The following PXDN variants were observed in gnomAD, a reference collection of about 807,000 sequenced individuals.
PXDN encodes peroxidasin.
In PXDN, 77 loss-of-function variants were observed where a neutral mutation model predicts 140.3. The ratio of observed to expected loss-of-function variants is 0.55; its 90% CI spans 0.46 to 0.66. The LOEUF (loss-of-function observed/expected upper bound fraction) is 0.66. Ranked by LOEUF, PXDN falls within the 30% of genes least tolerant of loss-of-function variation. The pLI is 0.00. For missense variants in PXDN, 1,838 were observed against 2,039.5 expected (o/e 0.90, Z 1.90); for synonymous variants, 911 against 857.4 (o/e 1.06, Z -1.09).
At chr2:1,733,762 A>AAAAAAAAAAAAAAAC (rs1685364939) in intron 1 of PXDN, among the ~76,000 whole-genome samples, 1 of 151,418 alleles carries the variant, frequency 6.6e-6, no homozygotes. Context: ...AAAAAAAAAA[A>AAAAAAAAAAAAAAAC]AAAAAGCAGT....
At chr2:1,735,127 AT>A (rs1391471141) in intron 1 of PXDN, among the ~76,000 whole-genome samples, 1 of 152,120 alleles carries the variant, frequency 6.6e-6, no homozygotes, top group Admixed American at 6.5e-5. Flanking sequence ...TTCAGACTCC[AT>A]TTCTAATTCT....
intron 1 of PXDN, among the ~76,000 whole-genome samples, chr2:1,717,489 T>C (rs1326801016): frequency 6.6e-6 from 1 of 152,206 alleles, no homozygotes; most frequent in African/African-American, 2.4e-5. Context: ...CCTGAATCTT[T>C]GTAAACTCCT....
At chr2:1,715,872 G>GT (rs1390032921) in intron 1 of PXDN, among the ~76,000 whole-genome samples, 1 of 152,174 alleles carries the variant, frequency 6.6e-6, no homozygotes, top group African/African-American at 2.4e-5. Context: ...CACAGACATA[G>GT]TTTTTTCCAG....
At chr2:1,718,402 G>A (rs200741382) in intron 1 of PXDN, among the ~76,000 whole-genome samples, 2 of 149,840 alleles carry the variant, frequency 1.3e-5, no homozygotes, top group Non-Finnish European at 3.0e-5. Context: ...CTCTATTAAC[G>A]TATGTCACTA....
At chr2:1,662,041 T>C (rs1412187994) in intron 13 of PXDN, 31 bp downstream of exon 13, 6 of 1,540,564 alleles carry the variant, frequency 3.9e-6, no homozygotes, top group Non-Finnish European at 5.3e-6. Context: ...TGTATCTGGG[T>C]GGTGGCTGGC....
rs532828210 is a variant in PXDN, at chr2:1,672,401, C to T, written c.1018+1242G>A. Among the ~76,000 whole-genome samples, 6 of 152,354 alleles carry T rather than the reference C, an allele frequency of 3.9e-5. No individual in the cohort carries two copies. In the East Asian group the frequency reaches 1.2e-3, roughly 29 times the overall value. On this transcript the variant is annotated intron_variant, in intron 9 of 22. Transcript: ENST00000252804. ...CATAGTTATTCTCCTTTGTCTATAA[C>T]ATATACTTAACAGTACTACATAACT...
At chr2:1,637,866 TGGGG>T (rs1682609743) in intron 21 of PXDN, among the ~76,000 whole-genome samples, 2 of 9,830 alleles carry the variant, frequency 2.0e-4, no homozygotes, top group Admixed American at 2.0e-3. Context: ...GACAGCTGCC[TGGGG>T]ACTTGCACCT....
Position 1,665,164 on chromosome 2 carries a change from C to T in PXDN, c.1292-90G>A, listed in dbSNP as rs547095086. On this transcript the variant is annotated intron_variant, in intron 10 of 22. Transcript: ENST00000252804. The stretch of plus-strand genomic sequence containing the variant: ...AGAAAATGACCACAGTCTTGGCAGA[C>T]GTCTGACCATTAGGAGCAATGTCTA... The T allele has an allele frequency of 1.2e-4, 111 of 957,518 alleles. 5 individuals are homozygous for T. In the South Asian group the frequency reaches 1.3e-3, roughly 11 times the overall value. 59.3% of individuals were successfully genotyped at this position (957,518 alleles called of 1,614,324 possible).
chr2:1,664,950 G>T lies in PXDN; in HGVS notation c.1408+8C>A. 1 of 1,589,396 alleles carries T rather than the reference G, an allele frequency of 6.3e-7. No homozygotes were observed. Among genetic ancestry groups the T allele is most frequent in the Non-Finnish European group, 8.6e-7 (1 of 1,160,298 alleles). On this transcript the variant is annotated splice_region_variant and intron_variant, in intron 11 of 22. Transcript: ENST00000252804. ...AGGGAGCAGGCAAAGGGCCGGCCTG[G>T]GTCTTACCTCCCTTGGTCCAGGCGA...
rs1188117644 is a variant in PXDN at position 1,666,362 on chromosome 2, T to G, written c.1143A>C (p.Thr381=). The stretch of plus-strand genomic sequence containing the variant: ...TCACCCGCGGGTCAACTGGCAAGGG[T>G]GTGCGGTCACCTCTCGTCCAGGAGA... ...PRISWTRGDR[T]PLPVDPRVNI... The change falls in exon 10 of 23, where the codon ACA becomes ACC. Residue 381 remains threonine (T), a synonymous_variant. Transcript: ENST00000252804. 1.9e-6 allele frequency: 3 copies of G among 1,613,830 alleles called. No homozygotes were observed. Among genetic ancestry groups the G allele is most frequent in the Admixed American group, 3.3e-5 (2 of 60,008 alleles).
Position 1,702,012 on chromosome 2 carries a change from C to T in PXDN, c.201-8878G>A, listed in dbSNP as rs570619084. Among the ~76,000 whole-genome samples the T allele has an allele frequency of 6.3e-4, 96 of 152,226 alleles. No homozygotes were observed. In the South Asian group the frequency reaches 0.02, roughly 31 times the overall value. On this transcript the variant is annotated intron_variant, in intron 1 of 22. Transcript: ENST00000252804. ...TAACTGCTGCTGTGTTTACAGGCTG[C>T]CCCGCCTATGGCTCCTCAGAGACGC... is the stretch of plus-strand genomic sequence containing the variant.
At chr2:1,716,440 GA>G (rs550784477) in intron 1 of PXDN, among the ~76,000 whole-genome samples, 81 of 58,220 alleles carry the variant, frequency 1.4e-3, no homozygotes, top group African/African-American at 1.9e-3. Context: ...TCCATCTCAG[GA>G]AAAAAAAAAA....
chr2:1,670,053 T>C (rs1186240923), intron 9 of PXDN, among the ~76,000 whole-genome samples: 5 of 152,212 alleles, frequency 3.3e-5, no homozygotes, highest in African/African-American at 1.2e-4. Context: ...TGCTATAGGA[T>C]ATTAATACAT....
chr2:1,729,656 T>C (rs952944913), intron 1 of PXDN, among the ~76,000 whole-genome samples: 19 of 152,216 alleles, frequency 1.2e-4, no homozygotes, highest in African/African-American at 4.6e-4. Flanking sequence ...GATTCACCAC[T>C]GAAGAACTTA....
chr2:1,693,001 C>T (rs1684218854), intron 2 of PXDN, 62 bp downstream of exon 2: 1 of 1,428,366 alleles, frequency 7.0e-7, no homozygotes, highest in Non-Finnish European at 9.6e-7. Context: ...GTTCTACCTA[C>T]AGATAAACAA....
chr2:1,639,181 G>T lies in PXDN; in HGVS notation c.4073+121C>A. The T allele has an allele frequency of 6.7e-7, 1 of 1,501,666 alleles. No homozygotes were observed. The highest frequency in any genetic ancestry group is 9.0e-7 in the Non-Finnish European group (1 of 1,115,818). The allele number at this position is 1,501,666 out of a possible 1,614,324, so 93.0% of individuals were successfully genotyped here. A position where few individuals can be genotyped will look rare whatever the true frequency, so the allele number is the denominator to read the frequency against. The stretch of plus-strand genomic sequence containing the variant: ...GCTGCGGCCTGGCCCCCAGTGCCCT[G>T]GGACGTCCCTGCCAGGAACCATCCT... On this transcript the variant is annotated intron_variant, in intron 20 of 22. Transcript: ENST00000252804. This position sits in a 1 kb window ranked among gnomAD's most constrained non-coding sequence, Gnocchi z 5.0.
At chr2:1,677,110 C>A in intron 7 of PXDN, 66 bp from the exon 8 acceptor site, 1 of 1,368,248 alleles carries the variant, frequency 7.3e-7, no homozygotes, top group Non-Finnish European at 1.0e-6. Flanking sequence ...AATGACAACA[C>A]ACGCTGAGTT....
intron 1 of PXDN, among the ~76,000 whole-genome samples, chr2:1,698,996 C>T (rs921230875): frequency 2.0e-5 from 3 of 151,822 alleles, no homozygotes; most frequent in African/African-American, 4.8e-5. Flanking sequence ...CCATTATTCT[C>T]AAATCTTAAT....
intron 10 of PXDN, 66 bp from the exon 11 acceptor site, chr2:1,665,140 G>GAAA: frequency 8.4e-7 from 1 of 1,193,536 alleles, no homozygotes; most frequent in Non-Finnish European, 1.2e-6. Context: ...ACGCGACCAA[G>GAAA]AAAATGACCA....
Sources: gnomAD v4.1 joint callset for allele counts (sites outside exome capture counted in the v4.1 genomes callset) on GRCh38, gnomAD v4.1.1 for gene constraint, Gnocchi (gnomAD v3.1) non-coding constraint, MANE v1.5 for transcripts, NCBI Gene and HGNC (gene_info 2026-07-23, HGNC 2026-07-21) for gene names.